Variants in GSE1 observed in about 807,000 individuals in gnomAD.
GSE1 encodes Gse1 coiled-coil protein, also known as genetic suppressor element 1.
Under a neutral mutation model 112.6 loss-of-function variants are expected in GSE1, and 32 were observed. The ratio of observed to expected loss-of-function variants is 0.28; its 90% confidence interval spans 0.21 to 0.38. The LOEUF (loss-of-function observed/expected upper bound fraction) is 0.38, where lower values mean the gene tolerates loss of function less well. Among genes scored for constraint, GSE1 ranks in the 10% least tolerant of loss-of-function variants. The pLI is 1.00. For synonymous variants in GSE1, 1,115 were observed against 735.6 expected (o/e 1.52, Z -8.35); for missense variants, 2,348 against 1,699.2 (o/e 1.38, Z -6.71).
At chr16:85,603,018 C>T (rs891610641) in intron 1 of GSE1, among the ~76,000 whole-genome samples, 3 of 152,246 alleles carry the variant, frequency 2.0e-5, no homozygotes, top group South Asian at 2.1e-4. Context: ...CACAGCTGGC[C>T]GCTTTCCAGC....
At chr16:85,657,961 T>C (rs2052108874) in intron 8 of GSE1, among the ~76,000 whole-genome samples, 2 of 152,224 alleles carry the variant, frequency 1.3e-5, no homozygotes, top group Admixed American at 1.3e-4. Context: ...GTTCTCTCCA[T>C]CTTCCTCTGC....
intron 1 of GSE1, among the ~76,000 whole-genome samples, chr16:85,276,705 G>A (rs1038657398): frequency 3.9e-5 from 6 of 152,214 alleles, no homozygotes; most frequent in Admixed American, 1.3e-4. Flanking sequence ...TGCTCTCAGC[G>A]TGGGCCAGGG....
rs201346187 is a variant in GSE1 at position 85,655,761 on chromosome 16, C to T, written c.833C>T (p.Ser278Phe). 4.4e-5 allele frequency: 71 copies of T among 1,608,938 alleles called. No individual in the cohort carries two copies. The highest frequency in any genetic ancestry group is 5.6e-5 in the Non-Finnish European group (66 of 1,177,750). ...TCCTACTGCCTGTCTGCCCTGAGGT[C>T]CCCGTTCTACCCCATCCCCACCCCC... The part of the protein sequence containing the change: ...DDSYCLSALR[S>F]PFYPIPTPGS... The change falls in exon 6 of 16, where the codon TCC becomes TTC. Residue 278 changes from serine (S) to phenylalanine (F), a missense_variant. Physicochemically the swap from Ser to Phe is radical, Grantham distance 155. Transcript: ENST00000253458.
intron 1 of GSE1, among the ~76,000 whole-genome samples, chr16:85,256,172 G>C (rs1246292654): frequency 6.6e-6 from 1 of 152,146 alleles, no homozygotes; most frequent in African/African-American, 2.4e-5. Context: ...GTGAGTTGGA[G>C]GCTCTTCCCT....
At chr16:85,395,174 AGGCTATT>A (rs1211783074) in intron 2 of GSE1, among the ~76,000 whole-genome samples, 1 of 152,108 alleles carries the variant, frequency 6.6e-6, no homozygotes, top group East Asian at 1.9e-4. Flanking sequence ...CTTGCATGCC[AGGCTATT>A]GGCTTCTCGA....
intron 6 of GSE1, 110 bp downstream of exon 6, chr16:85,656,027 TCA>T (rs1491474253): frequency 9.6e-6 from 8 of 835,010 alleles, no homozygotes; most frequent in East Asian, 2.7e-5. Context: ...ATGCCTGTCC[TCA>T]CAGTTTGTCC....
chr16:85,194,182 G>A (rs1160305043), intron 1 of GSE1, among the ~76,000 whole-genome samples: 1 of 152,162 alleles, frequency 6.6e-6, no homozygotes, highest in East Asian at 1.9e-4. Context: ...CTTTGCTGCT[G>A]TTCTTGGACT....
chr16:85,441,519 G>A (rs765319985), intron 2 of GSE1, among the ~76,000 whole-genome samples: 1 of 152,208 alleles, frequency 6.6e-6, no homozygotes, highest in Non-Finnish European at 1.5e-5. Flanking sequence ...GCTGGGCGTA[G>A]TGGTGTGCGC....
At position 85,497,991 on chromosome 16, in the gene GSE1, C is replaced by T. The variant is rs541661707; in HGVS notation, c.2465-135923C>T. Among the ~76,000 whole-genome samples, 8 of 152,158 alleles carry T rather than the reference C, an allele frequency of 5.3e-5. No homozygotes were observed. The East Asian group carries it at 1.5e-3, about 29-fold the overall frequency. ...AGGTGGGGGAGCGGGCGACGAGGGACCCCACGCCCTGACCACCGTGCCTGT... is the reference window on the plus strand; with the variant it reads ...AGGTGGGGGAGCGGGCGACGAGGGATCCCACGCCCTGACCACCGTGCCTGT... On this transcript the variant is annotated intron_variant, in intron 2 of 2. Transcript: ENST00000637419.
intron 2 of GSE1, among the ~76,000 whole-genome samples, chr16:85,497,366 G>A (rs556410482): frequency 3.9e-4 from 59 of 152,310 alleles, no homozygotes; most frequent in African/African-American, 1.3e-3. Flanking sequence ...CCTGGAGTGA[G>A]AGGCTTCAGC....
At chr16:85,400,732 T>C (rs113146538) in intron 2 of GSE1, among the ~76,000 whole-genome samples, 1,951 of 151,788 alleles carry the variant, frequency 0.013, 34 homozygotes, top group African/African-American at 0.045. Flanking sequence ...CTGTGTGGTG[T>C]GTCTCTGTAT....
intron 1 of GSE1, among the ~76,000 whole-genome samples, chr16:85,563,511 C>T (rs1303714864): frequency 2.0e-5 from 3 of 152,102 alleles, no homozygotes; most frequent in East Asian, 1.9e-4. Flanking sequence ...TGGGGGATTG[C>T]GGGAGTAGGG....
At chr16:85,631,097 G>C (rs1429216049) in intron 1 of GSE1, among the ~76,000 whole-genome samples, 1 of 152,206 alleles carries the variant, frequency 6.6e-6, no homozygotes, top group Admixed American at 6.5e-5. Flanking sequence ...GCCTCGTTGG[G>C]ACCACGAGGA....
chr16:85,634,695 T>C (rs2049839653), intron 2 of GSE1, among the ~76,000 whole-genome samples: 1 of 152,208 alleles, frequency 6.6e-6, no homozygotes, highest in South Asian at 2.1e-4. Flanking sequence ...GCTTCTGGTA[T>C]CACCTGGGCA....
chr16:85,607,365 G>A (rs182555613), upstream of GSE1, among the ~76,000 whole-genome samples: 2 of 152,216 alleles, frequency 1.3e-5, no homozygotes, highest in South Asian at 2.1e-4. Context: ...TCCCTCTCCC[G>A]CCCGCTTTCC....
At chr16:85,569,384 G>A (rs2151321618) in intron 1 of GSE1, among the ~76,000 whole-genome samples, 1 of 152,372 alleles carries the variant, frequency 6.6e-6, no homozygotes, top group South Asian at 2.1e-4. Flanking sequence ...GTGGTCGGAT[G>A]TGAATTCTTG....
chr16:85,301,314 A>G (rs8048275), intron 1 of GSE1, among the ~76,000 whole-genome samples: 6,941 of 152,292 alleles, frequency 0.046, 239 homozygotes, highest in Middle Eastern at 0.092. Flanking sequence ...AGCTGCCTTC[A>G]CTGGGAGACG....
intron 2 of GSE1, among the ~76,000 whole-genome samples, chr16:85,370,637 CT>C (rs2047277655): frequency 1.3e-5 from 2 of 151,522 alleles, no homozygotes; most frequent in Admixed American, 1.3e-4. Context: ...CCTTCTCTCC[CT>C]CCCTCCTTCT....
intron 2 of GSE1, among the ~76,000 whole-genome samples, chr16:85,480,039 T>C (rs560053844): frequency 2.0e-5 from 3 of 152,222 alleles, no homozygotes; most frequent in Non-Finnish European, 4.4e-5. Context: ...TCTCTGCCAT[T>C]GCCCGTGTTC....
Sources: gnomAD v4.1 joint callset for allele counts (sites outside exome capture counted in the v4.1 genomes callset) on GRCh38, gnomAD v4.1.1 for gene constraint, MANE v1.5 for transcripts, NCBI Gene and HGNC (gene_info 2026-07-23, HGNC 2026-07-21) for gene names.